The following MYO16 variants were observed in gnomAD, a reference collection of about 807,000 sequenced individuals.
MYO16 encodes unconventional myosin-XVI.
A neutral mutation model predicts 205.3 loss-of-function variants in MYO16; 94 were observed. That is an observed-to-expected ratio of 0.46 (90% confidence interval 0.39 to 0.54). MYO16 has a LOEUF of 0.54. MYO16 is among the 20% of genes least tolerant of loss of function. The probability of loss-of-function intolerance (pLI) is 0.00; values close to 1 mark genes in which losing one functional copy is unlikely to be tolerated. For missense variants in MYO16, 2,315 were observed against 2,387.5 expected, an observed-to-expected ratio of 0.97 and a Z score of 0.63; for synonymous variants, 988 against 954.0, an observed-to-expected ratio of 1.04 and a Z score of -0.66.
At chr13:109,161,851 A>T (rs1878401785) in intron 32 of MYO16, among the ~76,000 whole-genome samples, 1 of 152,178 alleles carries the variant, frequency 6.6e-6, no homozygotes, top group South Asian at 2.1e-4. Flanking sequence ...TCCCAGCACT[A>T]TGGGAGGCCA....
chr13:109,005,992 G>A (rs1483005055), intron 21 of MYO16, among the ~76,000 whole-genome samples: 3 of 152,118 alleles, frequency 2.0e-5, no homozygotes, highest in Non-Finnish European at 4.4e-5. Flanking sequence ...AGCTCCCTTT[G>A]GGAGGATATG....
intron 34 of MYO16, among the ~76,000 whole-genome samples, chr13:109,188,215 G>A (rs951826092): frequency 5.9e-5 from 9 of 152,034 alleles, no homozygotes; most frequent in Non-Finnish European, 1.3e-4. Flanking sequence ...TTTAAAAATA[G>A]CTTTATCAAG....
At chr13:109,185,316 CAAA>C (rs1325845034) in intron 34 of MYO16, among the ~76,000 whole-genome samples, 2 of 151,704 alleles carry the variant, frequency 1.3e-5, no homozygotes, top group Admixed American at 6.6e-5. Context: ...TGTAAGTGCA[CAAA>C]AAAGTAATTT....
chr13:108,846,615 TTGAG>T (rs1407382452), intron 10 of MYO16, among the ~76,000 whole-genome samples: 4 of 152,004 alleles, frequency 2.6e-5, no homozygotes, highest in Non-Finnish European at 4.4e-5. Context: ...AGCAAAGAAA[TTGAG>T]TGTGACTGAC....
the MYO16 span, among the ~76,000 whole-genome samples, chr13:108,505,057 G>A: frequency 6.6e-6 from 1 of 152,044 alleles, no homozygotes; most frequent in Non-Finnish European, 1.5e-5. Flanking sequence ...CCACTTGTTT[G>A]TTGATAGAAA....
the MYO16 span, among the ~76,000 whole-genome samples, chr13:108,570,885 G>A: frequency 6.6e-6 from 1 of 152,242 alleles, no homozygotes; most frequent in East Asian, 1.9e-4. Flanking sequence ...TTGCCTTTGG[G>A]ATGGCCATTA....
chr13:108,567,033 A>G, the MYO16 span, among the ~76,000 whole-genome samples: 4 of 152,194 alleles, frequency 2.6e-5, no homozygotes, highest in African/African-American at 4.8e-5. Flanking sequence ...ATTGAATATA[A>G]TCTTGTAGGA....
chr13:108,676,372 CGTGTGTGTGT>C (rs35790433), intron 2 of MYO16, among the ~76,000 whole-genome samples: 4,414 of 131,742 alleles, frequency 0.034, 119 homozygotes, highest in South Asian at 0.14. Context: ...TATATGTACG[CGTGTGTGTGT>C]GTGTGTGTGT....
At chr13:108,594,841 G>A (rs139544744), upstream of MYO16, among the ~76,000 whole-genome samples, 1,494 of 152,268 alleles carry the variant, frequency 9.8e-3, 11 homozygotes, top group Non-Finnish European at 0.014. Context: ...TTGGATCTCT[G>A]CATTGGGAAA....
At chr13:108,912,081 G>A (rs1881292230) in intron 16 of MYO16, among the ~76,000 whole-genome samples, 1 of 152,082 alleles carries the variant, frequency 6.6e-6, no homozygotes, top group Admixed American at 6.6e-5. Context: ...AGAGAGGAGG[G>A]ACTTTCCAGT....
intron 1 of MYO16, among the ~76,000 whole-genome samples, chr13:108,609,256 G>T (rs1321250369): frequency 6.6e-6 from 1 of 152,104 alleles, no homozygotes; most frequent in Non-Finnish European, 1.5e-5. Flanking sequence ...CACACAGCTG[G>T]GGCTGCAGGC....
intron 7 of MYO16, among the ~76,000 whole-genome samples, chr13:108,818,519 T>C (rs183410200): frequency 6.6e-6 from 1 of 151,602 alleles, no homozygotes. Context: ...ATAAAACAGA[T>C]AAAAGTCAAA....
At chr13:108,645,296 T>C (rs953154592) in intron 1 of MYO16, among the ~76,000 whole-genome samples, 4 of 152,238 alleles carry the variant, frequency 2.6e-5, no homozygotes, top group African/African-American at 9.6e-5. Flanking sequence ...TAGTAATCAG[T>C]ACACATAAAA....
chr13:108,925,700 A>G (rs1308706012), intron 16 of MYO16, among the ~76,000 whole-genome samples: 3 of 152,138 alleles, frequency 2.0e-5, no homozygotes, highest in African/African-American at 2.4e-5. Flanking sequence ...CCTCCTGAAC[A>G]TGTAACAAAC....
At chr13:108,854,755 T>C (rs1462542144) in intron 10 of MYO16, among the ~76,000 whole-genome samples, 1 of 152,220 alleles carries the variant, frequency 6.6e-6, no homozygotes, top group African/African-American at 2.4e-5. Flanking sequence ...ATTTCTAATT[T>C]GAAAATAATG....
the MYO16 span, among the ~76,000 whole-genome samples, chr13:108,502,160 C>A: frequency 6.6e-6 from 1 of 151,972 alleles, no homozygotes; most frequent in Non-Finnish European, 1.5e-5. Flanking sequence ...TTGCAGTGAG[C>A]CGAGATTAAG....
chr13:108,583,494 T>C, the MYO16 span, among the ~76,000 whole-genome samples: 1 of 152,162 alleles, frequency 6.6e-6, no homozygotes, highest in Non-Finnish European at 1.5e-5. Flanking sequence ...CATATTTCAA[T>C]AGTAGGAATA....
chr13:108,890,135 G>T (rs1304055715), intron 14 of MYO16, among the ~76,000 whole-genome samples: 1 of 118,244 alleles, frequency 8.5e-6, no homozygotes, highest in African/African-American at 3.3e-5. Context: ...TGTGGAGACT[G>T]GGTCTCCTGT....
At chr13:108,896,858 G>T (rs1416421794) in intron 14 of MYO16, among the ~76,000 whole-genome samples, 1 of 152,016 alleles carries the variant, frequency 6.6e-6, no homozygotes, top group Non-Finnish European at 1.5e-5. Context: ...TGTAATCCCA[G>T]CTACTCCAGA....
Sources: gnomAD v4.1 joint callset for allele counts (sites outside exome capture counted in the v4.1 genomes callset) on GRCh38, gnomAD v4.1.1 for gene constraint, MANE v1.5 for transcripts, NCBI Gene and HGNC (gene_info 2026-07-23, HGNC 2026-07-21) for gene names.